Variants in MYO9A observed in about 807,000 individuals in gnomAD.
MYO9A encodes the protein myosin IXA, also known as unconventional myosin-IXa.
MYO9A carries 103 observed loss-of-function variants against 293.3 expected under a neutral mutation model. The observed-to-expected ratio is 0.35, with a 90% CI of 0.30 to 0.41. MYO9A has a LOEUF of 0.41. MYO9A is among the 10% of genes least tolerant of loss of function. The probability of loss-of-function intolerance (pLI) is 1.00; values close to 1 mark genes in which losing one functional copy is unlikely to be tolerated. For missense variants in MYO9A, 2,685 were observed against 3,033.0 expected (o/e 0.89, Z 2.69); for synonymous variants, 1,001 against 1,035.7 (o/e 0.97, Z 0.64).
At chr15:72,098,221 T>C (rs930559313) in intron 1 of MYO9A, among the ~76,000 whole-genome samples, 1 of 151,560 alleles carries the variant, frequency 6.6e-6, no homozygotes, top group Non-Finnish European at 1.5e-5. Context: ...ACATGGCTTC[T>C]ATCTGGTATG....
chr15:72,109,021 C>T (rs1378654315), intron 1 of MYO9A, among the ~76,000 whole-genome samples: 1 of 152,120 alleles, frequency 6.6e-6, no homozygotes, highest in Non-Finnish European at 1.5e-5. Context: ...CCTCGGCTTT[C>T]CAAAGTGCTG....
intron 19 of MYO9A, among the ~76,000 whole-genome samples, chr15:71,915,337 G>A (rs1243276528): frequency 2.0e-5 from 3 of 151,604 alleles, no homozygotes; most frequent in African/African-American, 7.3e-5. Flanking sequence ...TAAAATTCAT[G>A]GCAGTGATTT....
In MYO9A at chr15:71,968,107, A is replaced by C. The variant is rs1019751125; in HGVS notation, c.1863T>G (p.Asn621Lys). Residue 621 changes from asparagine to lysine, a missense_variant, in exon 13 of 42, where the codon AAT becomes AAG. This residue lies in a region of MYO9A where 201 missense variants were observed against 245.2 expected (regional missense o/e 0.82). Coordinates refer to ENST00000356056, the MANE Select transcript of MYO9A (RefSeq NM_006901.4). ...DEESNFPQAT[N>K]QTLLDKFKHQ... Reference sequence around the variant, plus strand: ...GCTTAAACTTGTCTAGCAATGTTTGATTTGTAGCCTGTGGAAAGCTGAATT... The same window carrying C: ...GCTTAAACTTGTCTAGCAATGTTTGCTTTGTAGCCTGTGGAAAGCTGAATT... 23 of 1,584,092 alleles carry C rather than the reference A, an allele frequency of 1.5e-5. No individual in the cohort carries two copies. The highest frequency in any genetic ancestry group is 1.8e-5 in the Non-Finnish European group (21 of 1,167,572).
At chr15:72,013,317 G>C (rs775457177) in intron 6 of MYO9A, among the ~76,000 whole-genome samples, 1 of 152,176 alleles carries the variant, frequency 6.6e-6, no homozygotes, top group Non-Finnish European at 1.5e-5. Context: ...GACTTCTGGA[G>C]AGGGAGCAGG....
chr15:71,990,668 G>C (rs1184564045), intron 11 of MYO9A, among the ~76,000 whole-genome samples: 1 of 151,516 alleles, frequency 6.6e-6, no homozygotes. Flanking sequence ...GAGCCAGGAG[G>C]CTGGCATGAA....
At chr15:72,068,478 C>G (rs2079085800) in intron 1 of MYO9A, among the ~76,000 whole-genome samples, 1 of 138,700 alleles carries the variant, frequency 7.2e-6, no homozygotes, top group African/African-American at 2.6e-5. Context: ...AACTAGATCC[C>G]AATTTCTCTT....
chr15:72,049,970 C>T (rs2078505245), intron 1 of MYO9A, among the ~76,000 whole-genome samples: 1 of 152,138 alleles, frequency 6.6e-6, no homozygotes, highest in Non-Finnish European at 1.5e-5. Context: ...TAACAGGAGT[C>T]CTATCTTGGA....
At chr15:72,112,189 C>G (rs2080802398) in intron 1 of MYO9A, among the ~76,000 whole-genome samples, 1 of 152,020 alleles carries the variant, frequency 6.6e-6, no homozygotes, top group South Asian at 2.1e-4. Flanking sequence ...AAAAAGTATG[C>G]TCCAAAATTA....
intron 15 of MYO9A, among the ~76,000 whole-genome samples, chr15:71,943,960 C>A (rs942817393): frequency 1.3e-5 from 2 of 152,098 alleles, no homozygotes; most frequent in African/African-American, 4.8e-5. Context: ...TCGGAAATAA[C>A]TGTACCATTT....
intron 1 of MYO9A, among the ~76,000 whole-genome samples, chr15:72,116,282 C>T (rs1325363529): frequency 6.6e-5 from 10 of 151,290 alleles, no homozygotes; most frequent in Admixed American, 5.9e-4. Flanking sequence ...GTTACTTTAA[C>T]ATTTTTTACT....
chr15:72,118,279 C>T (rs1671441631), upstream of MYO9A: 2 of 292,718 alleles, frequency 6.8e-6, no homozygotes, highest in Middle Eastern at 9.2e-4. Context: ...CCCCAGGCGG[C>T]CCCGCCCAAA....
intron 1 of MYO9A, among the ~76,000 whole-genome samples, chr15:72,071,555 A>G (rs1414432955): frequency 6.6e-6 from 1 of 152,178 alleles, no homozygotes; most frequent in Non-Finnish European, 1.5e-5. Context: ...AGCCTGGCCA[A>G]CATGGTGAAA....
chr15:71,975,428 T>TGTGTGTGTGTGTGTGTGTGTG (rs2076116955), intron 12 of MYO9A, among the ~76,000 whole-genome samples: 1 of 147,942 alleles, frequency 6.8e-6, no homozygotes, highest in East Asian at 2.0e-4. Context: ...TGTGTGTGTG[T>TGTGTGTGTGTGTGTGTGTGTG]AGGTTTTCGT....
chr15:72,079,135 A>C (rs1205306614), intron 1 of MYO9A, among the ~76,000 whole-genome samples: 1 of 152,202 alleles, frequency 6.6e-6, no homozygotes, highest in African/African-American at 2.4e-5. Context: ...CGATGGATTA[A>C]TATGGCTCAT....
chr15:72,037,805 G>A (rs1185886245), intron 2 of MYO9A, among the ~76,000 whole-genome samples: 1 of 151,828 alleles, frequency 6.6e-6, no homozygotes, highest in East Asian at 1.9e-4. Context: ...TAAGAGACAT[G>A]CAAAAAAGTA....
chr15:71,952,330 C>G (rs2059070928), intron 14 of MYO9A, among the ~76,000 whole-genome samples: 2 of 152,080 alleles, frequency 1.3e-5, no homozygotes, highest in South Asian at 4.1e-4. Context: ...TTCACAAATC[C>G]TGCAATTAAC....
chr15:72,027,937 C>T, intron 3 of MYO9A, 144 bp from the exon 4 acceptor site: 2 of 592,334 alleles, frequency 3.4e-6, no homozygotes. Context: ...GTGGCTCACA[C>T]CTGTAATCTC....
intron 1 of MYO9A, among the ~76,000 whole-genome samples, chr15:72,101,288 A>G (rs1386588624): frequency 3.3e-5 from 3 of 90,984 alleles, no homozygotes; most frequent in African/African-American, 8.5e-5. Flanking sequence ...TCAGGGAGGG[A>G]GGTGGGTTCA....
rs1041561117 is a variant in MYO9A, at chr15:72,117,616, T to C, written c.-72+64A>G. On this transcript the variant is annotated intron_variant, in intron 1 of 41. Transcript: ENST00000356056. ...GCGGGGCGGCCCGACCGGAGCCAAA[T>C]AGCGAGGCTGAGACGTGGGCCAGGA... is the stretch of plus-strand genomic sequence containing the variant. The C allele has an allele frequency of 9.2e-5, 36 of 392,628 alleles. 1 individual carries two copies. The highest frequency in any genetic ancestry group is 6.1e-4 in the East Asian group (17 of 27,728). 24.3% of individuals were successfully genotyped at this position (392,628 alleles called of 1,614,324 possible).
Sources: gnomAD v4.1 joint callset for allele counts (sites outside exome capture counted in the v4.1 genomes callset) on GRCh38, gnomAD v4.1.1 for gene constraint, gnomAD v4.1.1 regional missense constraint, MANE v1.5 for transcripts, NCBI Gene and HGNC (gene_info 2026-07-23, HGNC 2026-07-21) for gene names.